Variants in MRPL13 observed in about 807,000 individuals in gnomAD.
MRPL13 encodes the protein mitochondrial ribosomal protein L13, also known as large ribosomal subunit protein uL13m.
In MRPL13, 33 loss-of-function variants were observed where a neutral mutation model predicts 29.0. The observed-to-expected ratio is 1.14, with a 90% CI of 0.86 to 1.52. The LOEUF (loss-of-function observed/expected upper bound fraction) is 1.52. Ranked by LOEUF, MRPL13 falls within the 40% of genes most tolerant of loss-of-function variation. The pLI, the probability that MRPL13 is intolerant of heterozygous loss-of-function variation, is 0.00. For missense variants in MRPL13, 227 were observed against 216.7 expected, an observed-to-expected ratio of 1.05 and a Z score of -0.30; for synonymous variants, 77 against 68.4, an observed-to-expected ratio of 1.13 and a Z score of -0.62.
chr8:120,415,087 AATG>A (rs1332347881), intron 5 of MRPL13: 4 of 152,242 alleles, frequency 2.6e-5, no homozygotes, highest in African/African-American at 9.6e-5. Context: ...ACTAAGGAGG[AATG>A]ATAAAATGAA....
intron 6 of MRPL13, among the ~76,000 whole-genome samples, chr8:120,410,860 C>T (rs879397361): frequency 2.6e-5 from 4 of 151,890 alleles, no homozygotes; most frequent in African/African-American, 4.8e-5. Flanking sequence ...CGGCAACCTC[C>T]GCCTCCCGGG....
At chr8:120,431,518 T>C (rs887701764) in intron 3 of MRPL13, among the ~76,000 whole-genome samples, 2 of 152,154 alleles carry the variant, frequency 1.3e-5, no homozygotes, top group African/African-American at 4.8e-5. Context: ...AGAAATACTA[T>C]GGCCTTGAAG....
intron 6 of MRPL13, among the ~76,000 whole-genome samples, chr8:120,409,184 GCTT>G (rs964930425): frequency 6.2e-4 from 95 of 152,106 alleles, no homozygotes; most frequent in African/African-American, 2.1e-3. Flanking sequence ...TCCATGGTTA[GCTT>G]CTCTACAAAG....
chr8:120,405,224 A>G (rs1293688717), intron 6 of MRPL13, among the ~76,000 whole-genome samples: 5 of 152,220 alleles, frequency 3.3e-5, no homozygotes, highest in Non-Finnish European at 7.3e-5. Context: ...TTTTTACACT[A>G]AATATGGTTT....
chr8:120,406,138 G>A (rs561865914), intron 6 of MRPL13, among the ~76,000 whole-genome samples: 7 of 152,068 alleles, frequency 4.6e-5, no homozygotes, highest in Non-Finnish European at 8.8e-5. Flanking sequence ...TGCCATTTCT[G>A]AAAGCTAACA....
In MRPL13 at chr8:120,425,478, T is replaced by C. The variant is rs370852644; in HGVS notation, c.246-112A>G. ...TAATAAATTGTTTCTCGAAACTGCT[T>C]TTCATTAGTGTTTTCAAAATTAAGT... On this transcript the variant is annotated intron_variant, in intron 3 of 6. Coordinates refer to ENST00000306185, the MANE Select transcript of MRPL13 (RefSeq NM_014078.6). 1.5e-4 allele frequency: 104 copies of C among 709,448 alleles called. No homozygotes were observed. The African/African-American group carries it at 1.7e-3, about 12-fold the overall frequency. The allele number at this position is 709,448 out of a possible 1,614,324, so 43.9% of individuals were successfully genotyped here. A position where few individuals can be genotyped will look rare whatever the true frequency, so the allele number is the denominator to read the frequency against.
chr8:120,406,555 ATGTG>A (rs72150915), intron 6 of MRPL13, among the ~76,000 whole-genome samples: 9,029 of 147,104 alleles, frequency 0.061, 519 homozygotes, highest in African/African-American at 0.16. Context: ...ATATGTGTGC[ATGTG>A]TGTGTGTGTG....
At chr8:120,397,454 A>G (rs1427615078) in intron 6 of MRPL13, among the ~76,000 whole-genome samples, 1 of 152,160 alleles carries the variant, frequency 6.6e-6, no homozygotes, top group Non-Finnish European at 1.5e-5. Flanking sequence ...CAGGCTGGAG[A>G]CTGCCTGAGA....
At chr8:120,400,742 A>T (rs937417540) in intron 6 of MRPL13, among the ~76,000 whole-genome samples, 5 of 76,706 alleles carry the variant, frequency 6.5e-5, no homozygotes, top group Non-Finnish European at 1.3e-4. Context: ...ATAAATAAAT[A>T]AAAAAAATAG....
chr8:120,431,676 T>C (rs1483913504), intron 3 of MRPL13, among the ~76,000 whole-genome samples: 1 of 152,136 alleles, frequency 6.6e-6, no homozygotes, highest in Non-Finnish European at 1.5e-5. Flanking sequence ...AGAGTGACCA[T>C]TCCTTAAACA....
intron 3 of MRPL13, among the ~76,000 whole-genome samples, chr8:120,430,669 T>C (rs940037854): frequency 2.0e-5 from 3 of 152,096 alleles, no homozygotes; most frequent in Non-Finnish European, 2.9e-5. Context: ...AGGAATGAAA[T>C]AGCAATATGT....
chr8:120,441,785 T>C (rs1210167240), intron 2 of MRPL13, among the ~76,000 whole-genome samples: 1 of 152,216 alleles, frequency 6.6e-6, no homozygotes, highest in Non-Finnish European at 1.5e-5. Context: ...TTCTTACGTG[T>C]GTCAATGGCA....
At chr8:120,436,538 A>T (rs1813057003) in intron 2 of MRPL13, among the ~76,000 whole-genome samples, 1 of 151,990 alleles carries the variant, frequency 6.6e-6, no homozygotes, top group Non-Finnish European at 1.5e-5. Context: ...AGTTCTTTAT[A>T]GTTTAGATAT....
intron 6 of MRPL13, among the ~76,000 whole-genome samples, chr8:120,407,412 C>T (rs911770083): frequency 3.3e-5 from 5 of 151,824 alleles, no homozygotes; most frequent in Non-Finnish European, 7.4e-5. Flanking sequence ...TTTGGGAGGC[C>T]GAGGTGGGCA....
intron 6 of MRPL13, among the ~76,000 whole-genome samples, chr8:120,408,241 A>C (rs1355580914): frequency 6.6e-6 from 1 of 152,218 alleles, no homozygotes; most frequent in Admixed American, 6.5e-5. Context: ...TAAACCTGTA[A>C]GATTGTTGAA....
At chr8:120,431,071 T>C (rs1812990776) in intron 3 of MRPL13, among the ~76,000 whole-genome samples, 1 of 152,134 alleles carries the variant, frequency 6.6e-6, no homozygotes, top group African/African-American at 2.4e-5. Flanking sequence ...AAAGATTTCA[T>C]GAATGTATTT....
In MRPL13 at chr8:120,419,921, A is replaced by C. The variant is rs1812849648; in HGVS notation, c.324T>G (p.Ile108Met). ...RDPVAIVKLA[I>M]YGMLPKNLHR... ...GAAGGTTTTTTGGCAGCATGCCATA[A>C]ATAGCTAGTTTTACAATCTGAAAGA... The change falls in exon 5 of 7, where the codon ATT becomes ATG. Residue 108 changes from isoleucine (I) to methionine (M), a missense_variant. Coordinates refer to ENST00000306185, the MANE Select transcript of MRPL13 (RefSeq NM_014078.6). 6.3e-7 allele frequency: 1 copy of C among 1,593,390 alleles called. No homozygotes were observed. Among genetic ancestry groups the C allele is most frequent in the South Asian group, 1.1e-5 (1 of 87,630 alleles).
At chr8:120,404,157 A>C (rs1020640849) in intron 6 of MRPL13, among the ~76,000 whole-genome samples, 18 of 152,206 alleles carry the variant, frequency 1.2e-4, no homozygotes, top group African/African-American at 4.3e-4. Context: ...TTTAAGAAAC[A>C]ATTTATTATC....
rs541513285 is a variant in MRPL13, at chr8:120,432,378, TAAC to T, written c.152-258_152-256del. On this transcript the variant is annotated intron_variant, in intron 2 of 6. Transcript: ENST00000306185. The stretch of plus-strand genomic sequence containing the variant: ...AAAAGAAATTTAATAAGGTTGCCAA[TAAC>T]AACAATACATCTTTTAAAGGCAAAT... Among the ~76,000 whole-genome samples, 9 of 152,134 alleles carry T rather than the reference TAAC, an allele frequency of 5.9e-5. No individual in the cohort carries two copies. In the South Asian group the frequency reaches 1.9e-3, roughly 32 times the overall value.
Sources: gnomAD v4.1 joint callset for allele counts (sites outside exome capture counted in the v4.1 genomes callset) on GRCh38, gnomAD v4.1.1 for gene constraint, MANE v1.5 for transcripts, NCBI Gene and HGNC (gene_info 2026-07-23, HGNC 2026-07-21) for gene names.